The following LRRTM4 variants were observed in gnomAD, a reference collection of about 807,000 sequenced individuals.
LRRTM4 encodes the protein leucine-rich repeat transmembrane neuronal protein 4.
A neutral mutation model predicts 47.6 loss-of-function variants in LRRTM4; 25 were observed. The ratio of observed to expected loss-of-function variants is 0.53; its 90% confidence interval spans 0.38 to 0.73. The LOEUF (loss-of-function observed/expected upper bound fraction) is 0.73, where lower values mean the gene tolerates loss of function less well. Among genes scored for constraint, LRRTM4 ranks in the 30% least tolerant of loss-of-function variants. LRRTM4 has a pLI of 0.00. For synonymous variants in LRRTM4, 311 were observed against 269.5 expected (o/e 1.15, Z -1.51); for missense variants, 638 against 713.4 (o/e 0.89, Z 1.20).
intron 3 of LRRTM4, among the ~76,000 whole-genome samples, chr2:77,393,837 G>T (rs142414319): frequency 5.5e-4 from 83 of 152,050 alleles, no homozygotes; most frequent in Middle Eastern, 3.4e-3. Context: ...GTACATTGGA[G>T]ATTAGTGTAT....
chr2:77,422,964 T>C (rs1390154659), intron 3 of LRRTM4, among the ~76,000 whole-genome samples: 1 of 152,060 alleles, frequency 6.6e-6, no homozygotes, highest in African/African-American at 2.4e-5. Flanking sequence ...TATAATGAAA[T>C]AGCAACAAAA....
chr2:76,875,653 G>T (rs1004309956), intron 3 of LRRTM4, among the ~76,000 whole-genome samples: 15 of 152,064 alleles, frequency 9.9e-5, no homozygotes, highest in Non-Finnish European at 4.4e-5. Flanking sequence ...CCTGGCCTTT[G>T]CCTGTTTCTA....
chr2:77,163,755 A>G lies in LRRTM4; in HGVS notation c.1551+354563T>C, dbSNP rs147556919. Among the ~76,000 whole-genome samples the G allele has an allele frequency of 2.8e-3, 431 of 152,316 alleles. 6 individuals are homozygous for G. Among genetic ancestry groups the G allele is most frequent in the African/African-American group, 9.9e-3 (410 of 41,580 alleles). The stretch of plus-strand genomic sequence containing the variant: ...AATAAAACCCTTTACAGAAGAGCAA[A>G]TGCTGAGAGATTTTGTCACCACCAG... On this transcript the variant is annotated intron_variant, in intron 3 of 3. Coordinates refer to ENST00000409884, the MANE Select transcript of LRRTM4 (RefSeq NM_001134745.3).
At chr2:77,085,887 C>G (rs1680693519) in intron 3 of LRRTM4, among the ~76,000 whole-genome samples, 1 of 152,036 alleles carries the variant, frequency 6.6e-6, no homozygotes. Flanking sequence ...TCCTGTTGGC[C>G]TATTTCTAGC....
rs1413855050 is a variant in LRRTM4, at chr2:76,884,688, A to T, written c.1552-135772T>A. Among the ~76,000 whole-genome samples the T allele has an allele frequency of 5.3e-5, 8 of 152,296 alleles. No individual in the cohort carries two copies. The East Asian group carries it at 1.2e-3, about 22-fold the overall frequency. On this transcript the variant is annotated intron_variant, in intron 3 of 3. Transcript: ENST00000409884. ...GGCATGGTAGAGAAAAAAGAGAAACAACCAGTACAATCTTTCTGTTCTTTG... is the reference window on the plus strand; with the variant it reads ...GGCATGGTAGAGAAAAAAGAGAAACTACCAGTACAATCTTTCTGTTCTTTG...
intron 3 of LRRTM4, among the ~76,000 whole-genome samples, chr2:77,062,953 A>C (rs1004815691): frequency 9.1e-6 from 1 of 109,456 alleles, no homozygotes; most frequent in African/African-American, 3.6e-5. Context: ...AATTATTATT[A>C]TCTTTTTTTT....
At chr2:77,094,944 C>A (rs1353725902) in intron 3 of LRRTM4, among the ~76,000 whole-genome samples, 1 of 152,090 alleles carries the variant, frequency 6.6e-6, no homozygotes, top group African/African-American at 2.4e-5. Context: ...ATTGTACCAA[C>A]CTAAAAGCTT....
chr2:77,006,878 G>C (rs551267476), intron 3 of LRRTM4, among the ~76,000 whole-genome samples: 1 of 152,092 alleles, frequency 6.6e-6, no homozygotes, highest in African/African-American at 2.4e-5. Flanking sequence ...GTGGAGACTC[G>C]TTAAGTCCAG....
At chr2:77,399,132 A>G (rs1673833101) in intron 3 of LRRTM4, among the ~76,000 whole-genome samples, 1 of 148,488 alleles carries the variant, frequency 6.7e-6, no homozygotes, top group South Asian at 2.1e-4. Context: ...TGCCATTCCT[A>G]TTGAAGTCAA....
At chr2:77,284,128 A>C (rs1419380020) in intron 3 of LRRTM4, among the ~76,000 whole-genome samples, 2 of 152,108 alleles carry the variant, frequency 1.3e-5, no homozygotes, top group African/African-American at 4.8e-5. Flanking sequence ...TTCTTTGTCT[A>C]ACAAGTGAAG....
At chr2:77,043,564 C>A (rs1296380170) in intron 3 of LRRTM4, among the ~76,000 whole-genome samples, 1 of 151,684 alleles carries the variant, frequency 6.6e-6, no homozygotes, top group Non-Finnish European at 1.5e-5. Flanking sequence ...AAGTTATAAT[C>A]AACAATGACA....
At chr2:76,764,589 C>T (rs1004374988) in intron 3 of LRRTM4, among the ~76,000 whole-genome samples, 2 of 152,128 alleles carry the variant, frequency 1.3e-5, no homozygotes, top group African/African-American at 4.8e-5. Context: ...CGTGATAGAA[C>T]TACTACACTC....
intron 3 of LRRTM4, among the ~76,000 whole-genome samples, chr2:76,889,877 C>G (rs1416828366): frequency 1.3e-5 from 2 of 151,752 alleles, no homozygotes; most frequent in Non-Finnish European, 2.9e-5. Context: ...AGGATGATTG[C>G]AAAAGCAAGC....
intron 3 of LRRTM4, among the ~76,000 whole-genome samples, chr2:77,161,241 G>T (rs892316552): frequency 2.6e-5 from 4 of 152,096 alleles, no homozygotes; most frequent in African/African-American, 9.7e-5. Context: ...TTTCTACCTT[G>T]GTCTGTGAGT....
intron 3 of LRRTM4, among the ~76,000 whole-genome samples, chr2:76,943,712 A>G (rs970642065): frequency 1.3e-5 from 2 of 152,074 alleles, no homozygotes; most frequent in Non-Finnish European, 2.9e-5. Context: ...AACAACACAC[A>G]CTGAATTTAG....
At chr2:77,451,145 T>C (rs577117055) in intron 3 of LRRTM4, among the ~76,000 whole-genome samples, 61 of 152,328 alleles carry the variant, frequency 4.0e-4, no homozygotes, top group African/African-American at 1.4e-3. Context: ...ATCCGAAGAC[T>C]AGTTTTTTTC....
chr2:76,801,967 T>C (rs1207792307), intron 3 of LRRTM4, among the ~76,000 whole-genome samples: 1 of 152,216 alleles, frequency 6.6e-6, no homozygotes, highest in African/African-American at 2.4e-5. Flanking sequence ...AGAAGGAATG[T>C]ACCTAAACAG....
chr2:76,906,994 G>C (rs139480650), intron 3 of LRRTM4, among the ~76,000 whole-genome samples: 2,921 of 150,888 alleles, frequency 0.019, 76 homozygotes, highest in East Asian at 0.085. Flanking sequence ...GCACCAAGCA[G>C]AATAGACATC....
intron 3 of LRRTM4, among the ~76,000 whole-genome samples, chr2:77,111,652 G>A (rs1010017737): frequency 6.6e-6 from 1 of 152,030 alleles, no homozygotes; most frequent in Non-Finnish European, 1.5e-5. Context: ...TGGTGTCTAT[G>A]CTACCTGCCC....
Sources: gnomAD v4.1 joint callset for allele counts (sites outside exome capture counted in the v4.1 genomes callset) on GRCh38, gnomAD v4.1.1 for gene constraint, MANE v1.5 for transcripts, NCBI Gene and HGNC (gene_info 2026-07-23, HGNC 2026-07-21) for gene names.